AP3S2: variants seen among roughly 807,000 people sequenced by gnomAD.
AP3S2 encodes adaptor related protein complex 3 subunit sigma 2, also known as AP-3 complex subunit sigma-2.
In AP3S2, 22 loss-of-function variants were observed where a neutral mutation model predicts 23.4. The observed-to-expected ratio is 0.94, with a 90% CI of 0.67 to 1.34. The LOEUF (loss-of-function observed/expected upper bound fraction) is 1.34, where lower values mean the gene tolerates loss of function less well. Ranked by LOEUF, AP3S2 falls within the 40% of genes most tolerant of loss-of-function variation. AP3S2 has a pLI of 0.00. For missense variants in AP3S2, 241 were observed against 236.9 expected, an observed-to-expected ratio of 1.02 and a Z score of -0.11; for synonymous variants, 86 against 87.1, an observed-to-expected ratio of 0.99 and a Z score of 0.07.
At chr15:89,846,751 C>T (rs1373353087) in intron 4 of AP3S2, among the ~76,000 whole-genome samples, 1 of 152,220 alleles carries the variant, frequency 6.6e-6, no homozygotes, top group African/African-American at 2.4e-5. Flanking sequence ...TGGTCTCGAT[C>T]TCCTGACCTT....
intron 3 of AP3S2, among the ~76,000 whole-genome samples, chr15:89,874,495 C>T (rs1307315948): frequency 6.6e-6 from 1 of 152,136 alleles, no homozygotes; most frequent in Non-Finnish European, 1.5e-5. Context: ...AATACTAAGG[C>T]TGGGTGAGGT....
At chr15:89,881,345 G>T (rs930817507) in intron 3 of AP3S2, among the ~76,000 whole-genome samples, 1 of 151,972 alleles carries the variant, frequency 6.6e-6, no homozygotes, top group Non-Finnish European at 1.5e-5. Flanking sequence ...AGGTAAAAAT[G>T]GATTATTTAC....
At chr15:89,892,496 A>T (rs1896841963) in intron 1 of AP3S2, among the ~76,000 whole-genome samples, 1 of 151,984 alleles carries the variant, frequency 6.6e-6, no homozygotes. Context: ...ACATAGAAAG[A>T]CCCCGTCTCT....
intron 4 of AP3S2, among the ~76,000 whole-genome samples, chr15:89,863,678 A>C (rs1284821301): frequency 6.6e-6 from 1 of 152,228 alleles, no homozygotes; most frequent in East Asian, 1.9e-4. Flanking sequence ...GCTGGTCTTT[A>C]CACAGGCCTA....
chr15:89,893,416 AG>A (rs1896864135), intron 1 of AP3S2: 1 of 269,698 alleles, frequency 3.7e-6, no homozygotes, highest in Non-Finnish European at 6.9e-6. Context: ...GTCTCTGGAA[AG>A]TCCCAGCCAA....
rs1455625912 is a variant in AP3S2 at position 89,858,517 on chromosome 15, GAGAGAGAGAAAGAAAGAA to G, written c.345+12940_345+12957del. ...AAAGAGAGAGAGAGAGAGAGAGAGA[GAGAGAGAGAAAGAAAGAA>G]AGAAAGAAAGAAAGAAAGAAAGAAA... On this transcript the variant is annotated intron_variant, in intron 4 of 5. Transcript: ENST00000336418. Among the ~76,000 whole-genome samples, 393 of 50,220 alleles carry G rather than the reference GAGAGAGAGAAAGAAAGAA, an allele frequency of 7.8e-3. 5 individuals carry two copies. The highest frequency in any genetic ancestry group is 0.024 in the African/African-American group (366 of 14,994). The allele number at this position is 50,220 out of a possible 152,430, so 32.9% of individuals were successfully genotyped here.
chr15:89,858,511 GAGAGAGAGAGAGAGAAAGAAAGAA>G (rs1174375015), intron 4 of AP3S2, among the ~76,000 whole-genome samples: 50 of 55,546 alleles, frequency 9.0e-4, no homozygotes, highest in African/African-American at 1.5e-3. Context: ...GAGAGAGAGA[GAGAGAGAGAGAGAGAAAGAAAGAA>G]AGAAAGAAAG....
intron 3 of AP3S2, among the ~76,000 whole-genome samples, chr15:89,875,668 G>T (rs1306016488): frequency 6.6e-6 from 1 of 152,184 alleles, no homozygotes; most frequent in Non-Finnish European, 1.5e-5. Context: ...CTGAAAATGG[G>T]CTGGGCGCAG....
intron 2 of AP3S2, 91 bp downstream of exon 2, chr15:89,888,958 C>A: frequency 2.0e-6 from 3 of 1,471,916 alleles, no homozygotes; most frequent in East Asian, 2.3e-5. Flanking sequence ...CATCAAGTAC[C>A]CACCTGACAC....
intron 1 of AP3S2, among the ~76,000 whole-genome samples, chr15:89,891,798 G>A (rs568571526): frequency 3.9e-5 from 6 of 152,296 alleles, no homozygotes; most frequent in Admixed American, 3.3e-4. Flanking sequence ...GTAAAATGGT[G>A]CAGCCACTTG....
chr15:89,865,924 AAAG>A (rs748933947), intron 4 of AP3S2, among the ~76,000 whole-genome samples: 5 of 152,160 alleles, frequency 3.3e-5, no homozygotes, highest in Non-Finnish European at 7.4e-5. Flanking sequence ...AACACGGAGC[AAAG>A]AAGGTAAAAC....
rs149190942 is a variant in AP3S2 at position 89,840,926 on chromosome 15, A to G, written c.346-3204T>C. Among the ~76,000 whole-genome samples, 194 of 152,336 alleles carry G rather than the reference A, an allele frequency of 1.3e-3. 1 individual carries two copies. The highest frequency in any genetic ancestry group is 4.5e-3 in the African/African-American group (185 of 41,568). Reference sequence around the variant, plus strand: ...ATCCCTGACCCCTAGTCCACATGAAATCATTTAAGACTTGTCTTTGGTGTG... The same window carrying G: ...ATCCCTGACCCCTAGTCCACATGAAGTCATTTAAGACTTGTCTTTGGTGTG... On this transcript the variant is annotated intron_variant, in intron 4 of 5. Transcript: ENST00000336418.
At chr15:89,844,001 G>A (rs1273832157) in intron 4 of AP3S2, among the ~76,000 whole-genome samples, 1 of 151,280 alleles carries the variant, frequency 6.6e-6, no homozygotes, top group Admixed American at 6.6e-5. Context: ...AAAGGAGGGA[G>A]GTAGAATACG....
chr15:89,831,293 G>C lies in AP3S2; in HGVS notation c.*4222C>G, dbSNP rs1567169135. ...GAGGACAGCATCCACCAGCCTGCAA[G>C]CACGGACCCCGTGCTGGTGTGTGAG... On this transcript the variant is annotated 3_prime_UTR_variant, in exon 6 of 6. Transcript: ENST00000336418. 6.6e-6 allele frequency: 1 copy of C among 152,244 alleles called. No homozygotes were observed. 9.4% of individuals were successfully genotyped at this position (152,244 alleles called of 1,614,324 possible). A position where few individuals can be genotyped will look rare whatever the true frequency, so the allele number is the denominator to read the frequency against.
intron 4 of AP3S2, among the ~76,000 whole-genome samples, chr15:89,869,218 C>T (rs1896252802): frequency 6.7e-6 from 1 of 148,874 alleles, no homozygotes; most frequent in African/African-American, 2.5e-5. Context: ...TCATTTTGTT[C>T]TGCACTAAGA....
intron 4 of AP3S2, among the ~76,000 whole-genome samples, chr15:89,868,403 C>T (rs1596208418): frequency 1.4e-5 from 1 of 70,284 alleles, no homozygotes; most frequent in Non-Finnish European, 3.1e-5. Flanking sequence ...GGGGTCAGCC[C>T]TCCGCCCGGC....
chr15:89,876,597 T>C (rs117117074), intron 3 of AP3S2: 2,054 of 152,502 alleles, frequency 0.013, 19 homozygotes, highest in Middle Eastern at 0.041. Flanking sequence ...AAGAAGAGCA[T>C]TGAGAAACTA....
At chr15:89,850,377 C>T (rs1463033061) in intron 4 of AP3S2, among the ~76,000 whole-genome samples, 3 of 152,162 alleles carry the variant, frequency 2.0e-5, no homozygotes, top group Admixed American at 6.5e-5. Flanking sequence ...CCTTGTCTTA[C>T]ACATCAGATG....
intron 4 of AP3S2, among the ~76,000 whole-genome samples, chr15:89,839,050 C>T (rs551391345): frequency 1.3e-5 from 2 of 152,270 alleles, no homozygotes; most frequent in African/African-American, 4.8e-5. Context: ...CTCTAGCATC[C>T]CTGGTCTCTA....
Sources: gnomAD v4.1 joint callset for allele counts (sites outside exome capture counted in the v4.1 genomes callset) on GRCh38, gnomAD v4.1.1 for gene constraint, MANE v1.5 for transcripts, NCBI Gene and HGNC (gene_info 2026-07-23, HGNC 2026-07-21) for gene names.